MRI1: variants seen among roughly 807,000 people sequenced by gnomAD.
MRI1 encodes methylthioribose-1-phosphate isomerase.
In MRI1, 32 loss-of-function variants were observed where a neutral mutation model predicts 27.3. The ratio of observed to expected loss-of-function variants is 1.17; its 90% CI spans 0.88 to 1.57. The LOEUF is 1.57. Among genes scored for constraint, MRI1 ranks in the 40% most tolerant of loss-of-function variants. The pLI is 0.00. For synonymous variants in MRI1, 216 were observed against 227.4 expected, an observed-to-expected ratio of 0.95 and a Z score of 0.45; for missense variants, 508 against 516.1, an observed-to-expected ratio of 0.98 and a Z score of 0.15.
At chr19:13,768,342 A>G in intron 3 of MRI1, 1 of 1,224,740 alleles carries the variant, frequency 8.2e-7, no homozygotes, top group Non-Finnish European at 1.2e-6. Context: ...TTCACCGAGA[A>G]GGTGTCCTTT....
chr19:13,764,545 AC>A lies in MRI1; in HGVS notation c.-40del. On this transcript the variant is annotated 5_prime_UTR_variant, in exon 1 of 6. Coordinates refer to ENST00000040663, the MANE Select transcript of MRI1 (RefSeq NM_001031727.4). ...CCGCCCCGCTCCCAAGTGCGCGCGG[AC>A]CCCTAGCTCCCTCTGAGTTGCGCTG... is the stretch of plus-strand genomic sequence containing the variant. 2 of 1,592,734 alleles carry A rather than the reference AC, an allele frequency of 1.3e-6. No individual in the cohort carries two copies. The highest frequency in any genetic ancestry group is 1.7e-6 in the Non-Finnish European group (2 of 1,170,920).
At chr19:13,765,182 T>C (rs1974095057) in intron 2 of MRI1, 73 bp downstream of exon 2, 1 of 1,228,190 alleles carries the variant, frequency 8.1e-7, no homozygotes, top group South Asian at 1.7e-5. Context: ...AGTGACCCAC[T>C]ATACAGATGG....
chr19:13,767,831 G>A lies in MRI1; in HGVS notation c.548-730G>A, dbSNP rs555191511. On this transcript the variant is annotated intron_variant, in intron 3 of 5. Coordinates refer to ENST00000040663, the MANE Select transcript of MRI1 (RefSeq NM_001031727.4). Reference sequence around the variant, plus strand: ...TGCAACCTCTGCCTCCTGGGTTCCAGCGATTCTTTTCAAGTATTTTCTTTC... The same window carrying A: ...TGCAACCTCTGCCTCCTGGGTTCCAACGATTCTTTTCAAGTATTTTCTTTC... Among the ~76,000 whole-genome samples, 3 of 142,916 alleles carry A rather than the reference G, an allele frequency of 2.1e-5. No homozygotes were observed. The East Asian group carries it at 6.3e-4, about 30-fold the overall frequency. 93.8% of individuals were successfully genotyped at this position (142,916 alleles called of 152,430 possible). A position where few individuals can be genotyped will look rare whatever the true frequency, so the allele number is the denominator to read the frequency against.
In MRI1 at chr19:13,768,437, G is replaced by A. The variant is rs766282290; in HGVS notation, c.548-124G>A. On this transcript the variant is annotated intron_variant, in intron 3 of 5. Transcript: ENST00000040663. ...TGCCACTGCGAGGGCCCCTGGGCGGGACTGTGCTCGGTAAGCCTTTGGCAA... is the reference window on the plus strand; with the variant it reads ...TGCCACTGCGAGGGCCCCTGGGCGGAACTGTGCTCGGTAAGCCTTTGGCAA... 7 of 1,557,126 alleles carry A rather than the reference G, an allele frequency of 4.5e-6. No homozygotes were observed. The South Asian group carries it at 8.3e-5, about 18-fold the overall frequency.
rs564264977 is a variant in MRI1, at chr19:13,768,778, T to C, written c.724+41T>C. The C allele has an allele frequency of 2.4e-5, 38 of 1,593,946 alleles. No individual in the cohort carries two copies. The African/African-American group carries it at 4.3e-4, about 18-fold the overall frequency. On this transcript the variant is annotated intron_variant, in intron 4 of 5. Coordinates refer to ENST00000040663, the MANE Select transcript of MRI1 (RefSeq NM_001031727.4). ...GCCCTGGGGGCGGGGCTCTGGAGCA[T>C]GGGGCCAGGTAATGACCCCCAACTT... is the stretch of plus-strand genomic sequence containing the variant.
At chr19:13,768,280 G>A in intron 3 of MRI1, 3 of 771,216 alleles carry the variant, frequency 3.9e-6, no homozygotes, top group Non-Finnish European at 6.7e-6. Flanking sequence ...ACAGAGAGCA[G>A]GAAACTGAAA....
chr19:13,769,236 T>C (rs1974218846), intron 5 of MRI1, among the ~76,000 whole-genome samples, 188 bp downstream of exon 5: 1 of 152,182 alleles, frequency 6.6e-6, no homozygotes. Context: ...CGATCTGGGC[T>C]CCCTGCAACC....
chr19:13,768,982 A>T lies in MRI1; in HGVS notation c.883A>T (p.Ile295Phe). ...CDLRLETGKE[I>F]IIEERPGQEL... ...CCTCCGTCTGGAGACCGGCAAGGAG[A>T]TCATTATTGAAGAGCGACCGGGCCA... The change falls in exon 5 of 6, where the codon ATC becomes TTC. Residue 295 changes from isoleucine (I) to phenylalanine (F), a missense_variant. Ile to Phe is a conservative substitution (Grantham distance 21). Coordinates refer to ENST00000040663, the MANE Select transcript of MRI1 (RefSeq NM_001031727.4). 1 of 1,613,990 alleles carries T rather than the reference A, an allele frequency of 6.2e-7. No homozygotes were observed.
intron 5 of MRI1, among the ~76,000 whole-genome samples, chr19:13,770,088 C>G (rs1242047282): frequency 6.6e-6 from 1 of 152,118 alleles, no homozygotes; most frequent in Non-Finnish European, 1.5e-5. Flanking sequence ...GGTGTGAGCT[C>G]CCATGCCTAG....
rs550740797 is a variant in MRI1 at position 13,764,781 on chromosome 19, G to A, written c.132+61G>A. Reference sequence around the variant, plus strand: ...CGGCGGGGCGGCGGGGCGGCGGGGCGGCGGGGCGGCGGGGCGGCGGGGCGG... The same window carrying A: ...CGGCGGGGCGGCGGGGCGGCGGGGCAGCGGGGCGGCGGGGCGGCGGGGCGG... On this transcript the variant is annotated intron_variant, in intron 1 of 5. Coordinates refer to ENST00000040663, the MANE Select transcript of MRI1 (RefSeq NM_001031727.4). 3.8e-6 allele frequency: 4 copies of A among 1,066,352 alleles called. 1 individual carries two copies. Among genetic ancestry groups the A allele is most frequent in the Non-Finnish European group, 4.6e-6 (4 of 863,562 alleles). The allele number at this position is 1,066,352 out of a possible 1,614,324, so 66.1% of individuals were successfully genotyped here.
At position 13,773,229 on chromosome 19, in the gene MRI1, G is replaced by C. The variant is rs555046014; in HGVS notation, c.*948G>C. 2.0e-5 allele frequency: 3 copies of C among 152,040 alleles called. No homozygotes were observed. The highest frequency in any genetic ancestry group is 4.4e-5 in the Non-Finnish European group (3 of 68,016). 9.4% of individuals were successfully genotyped at this position (152,040 alleles called of 1,614,324 possible). A position where few individuals can be genotyped will look rare whatever the true frequency, so the allele number is the denominator to read the frequency against. ...TCACCATGTTGGCCAGGCTGGTCTC[G>C]AACTCCTGACTCAAATGATCCCCCT... On this transcript the variant is annotated 3_prime_UTR_variant, in exon 6 of 6. Transcript: ENST00000040663.
intron 5 of MRI1, among the ~76,000 whole-genome samples, chr19:13,771,839 A>C (rs1974274375): frequency 1.3e-5 from 2 of 152,212 alleles, no homozygotes; most frequent in South Asian, 4.1e-4. Context: ...CCTGGGCAAC[A>C]AGAGCAAAAC....
chr19:13,766,362 G>T (rs938271345), intron 3 of MRI1, among the ~76,000 whole-genome samples: 3 of 152,138 alleles, frequency 2.0e-5, no homozygotes, highest in Non-Finnish European at 2.9e-5. Context: ...TTCATCTTCA[G>T]GTTCCATGGG....
chr19:13,766,787 G>A (rs59777443), intron 3 of MRI1, among the ~76,000 whole-genome samples: 1,822 of 151,870 alleles, frequency 0.012, 40 homozygotes, highest in African/African-American at 0.042. Context: ...CTCAGACACC[G>A]CCATTTGCTG....
At chr19:13,765,902 G>A (rs374555609) in intron 2 of MRI1, 52 bp from the exon 3 acceptor site, 9 of 1,541,088 alleles carry the variant, frequency 5.8e-6, no homozygotes, top group Non-Finnish European at 7.9e-6. Context: ...GGAGGCGTTG[G>A]CCTGGGCCCC....
chr19:13,766,606 G>A (rs1181304015), intron 3 of MRI1, among the ~76,000 whole-genome samples: 8 of 152,102 alleles, frequency 5.3e-5, no homozygotes, highest in Non-Finnish European at 1.0e-4. Context: ...GAGACAGGGG[G>A]AGTGGGCTGT....
At chr19:13,767,448 G>A (rs1056394042) in intron 3 of MRI1, among the ~76,000 whole-genome samples, 3 of 151,698 alleles carry the variant, frequency 2.0e-5, no homozygotes, top group Non-Finnish European at 2.9e-5. Context: ...GGCGGTGCAG[G>A]CCTGTAATCA....
Position 13,765,217 on chromosome 19 carries a change from A to G in MRI1, c.371+108A>G, listed in dbSNP as rs1379090149. On this transcript the variant is annotated intron_variant, in intron 2 of 5. Coordinates refer to ENST00000040663, the MANE Select transcript of MRI1 (RefSeq NM_001031727.4). The stretch of plus-strand genomic sequence containing the variant: ...GGGAAACTGAGGCACGGCGACCTTA[A>G]GTCCCTTGTCCAGGGCCCCACAGAT... The G allele has an allele frequency of 2.0e-5, 19 of 966,720 alleles. 1 individual carries two copies. Among genetic ancestry groups the G allele is most frequent in the Non-Finnish European group, 2.6e-5 (18 of 697,746 alleles). 59.9% of individuals were successfully genotyped at this position (966,720 alleles called of 1,614,324 possible). A position where few individuals can be genotyped will look rare whatever the true frequency, so the allele number is the denominator to read the frequency against.
chr19:13,768,222 G>C lies in MRI1; in HGVS notation c.548-339G>C, dbSNP rs116609813. On this transcript the variant is annotated intron_variant, in intron 3 of 5. Coordinates refer to ENST00000040663, the MANE Select transcript of MRI1 (RefSeq NM_001031727.4). ...CATGGATGGAGAACCCATAGAAAAG[G>C]GGGGCTGCCTGTACACATGAGGTGT... 259 of 678,514 alleles carry C rather than the reference G, an allele frequency of 3.8e-4. No individual in the cohort carries two copies. The East Asian group carries it at 6.4e-3, about 17-fold the overall frequency. 42.0% of individuals were successfully genotyped at this position (678,514 alleles called of 1,614,324 possible).
Sources: allele counts gnomAD v4.1 joint callset (sites outside exome capture counted in the v4.1 genomes callset), GRCh38; gene constraint gnomAD v4.1.1; transcripts MANE v1.5; gene names NCBI Gene and HGNC (gene_info 2026-07-23, HGNC 2026-07-21).